Variants in FAM168A observed in about 807,000 individuals in gnomAD.
FAM168A encodes family with sequence similarity 168 member A.
A neutral mutation model predicts 28.5 loss-of-function variants in FAM168A; 3 were observed. That is an observed-to-expected ratio of 0.11 (90% confidence interval 0.05 to 0.27). The LOEUF (loss-of-function observed/expected upper bound fraction) is 0.27. FAM168A is among the 10% of genes least tolerant of loss of function. The probability of loss-of-function intolerance (pLI) is 1.00; values close to 1 mark genes in which losing one functional copy is unlikely to be tolerated. For missense variants in FAM168A, 222 were observed against 311.5 expected (o/e 0.71, Z 2.16); for synonymous variants, 122 against 124.2 (o/e 0.98, Z 0.12).
chr11:73,470,972 C>T (rs1399442875), intron 1 of FAM168A, among the ~76,000 whole-genome samples: 1 of 152,102 alleles, frequency 6.6e-6, no homozygotes, highest in Non-Finnish European at 1.5e-5. Context: ...AGGAGGAGAT[C>T]ATGCCTGGGG....
chr11:73,522,750 C>A (rs551382325), intron 1 of FAM168A, among the ~76,000 whole-genome samples: 1 of 151,882 alleles, frequency 6.6e-6, no homozygotes, highest in South Asian at 2.1e-4. Context: ...TGGTGGCTCA[C>A]GCCTGTAATC....
At chr11:73,480,185 T>TAC (rs1867948496) in intron 1 of FAM168A, among the ~76,000 whole-genome samples, 1 of 152,192 alleles carries the variant, frequency 6.6e-6, no homozygotes, top group Non-Finnish European at 1.5e-5. Flanking sequence ...CTTCCACAGT[T>TAC]ACCAGAAAGA....
intron 1 of FAM168A, among the ~76,000 whole-genome samples, chr11:73,559,062 G>A (rs889567433): frequency 3.9e-5 from 6 of 152,136 alleles, no homozygotes; most frequent in Non-Finnish European, 5.9e-5. Flanking sequence ...TGGACAAACT[G>A]TAGCATATCT....
intron 1 of FAM168A, among the ~76,000 whole-genome samples, chr11:73,541,071 G>A (rs1943650779): frequency 6.6e-6 from 1 of 151,978 alleles, no homozygotes; most frequent in African/African-American, 2.4e-5. Flanking sequence ...TGGGTGTAGT[G>A]GTGCGTGCCT....
chr11:73,491,265 A>G (rs1388779114), intron 1 of FAM168A, among the ~76,000 whole-genome samples: 1 of 152,184 alleles, frequency 6.6e-6, no homozygotes, highest in Non-Finnish European at 1.5e-5. Flanking sequence ...CATGATGGGA[A>G]GTTACTTATG....
chr11:73,457,387 C>T (rs11235764), intron 2 of FAM168A, among the ~76,000 whole-genome samples: 1 of 149,162 alleles, frequency 6.7e-6, no homozygotes. Context: ...GAAACTCCAT[C>T]TCGTTTAAAA....
chr11:73,537,604 G>A (rs1442623334), intron 1 of FAM168A, among the ~76,000 whole-genome samples: 1 of 152,122 alleles, frequency 6.6e-6, no homozygotes, highest in African/African-American at 2.4e-5. Flanking sequence ...TTATTGTGAA[G>A]CAAATTATTC....
chr11:73,463,765 G>C (rs1194348005), intron 2 of FAM168A, among the ~76,000 whole-genome samples: 1 of 152,170 alleles, frequency 6.6e-6, no homozygotes, highest in Non-Finnish European at 1.5e-5. Context: ...GGCAATGAAA[G>C]CTTGCTTCAA....
At chr11:73,553,245 C>T (rs567611811) in intron 1 of FAM168A, among the ~76,000 whole-genome samples, 17 of 152,118 alleles carry the variant, frequency 1.1e-4, no homozygotes, top group African/African-American at 4.1e-4. Context: ...ACCTTAATCC[C>T]TCCCACATTT....
chr11:73,442,404 GCA>G (rs1867213398), intron 2 of FAM168A, among the ~76,000 whole-genome samples: 1 of 152,122 alleles, frequency 6.6e-6, no homozygotes, highest in Non-Finnish European at 1.5e-5. Flanking sequence ...GGGATTACAG[GCA>G]TGAGCCACCG....
rs1206796348 is a variant in FAM168A at position 73,539,740 on chromosome 11, T to C, written c.-19+58183A>G. 3.3e-5 allele frequency among the ~76,000 whole-genome samples: 5 copies of C among 152,242 alleles called. No homozygotes were observed. In the South Asian group the frequency reaches 1.0e-3, roughly 31 times the overall value. ...ATTAAGTGTAAAGCTGATACTGTAC[T>C]TTGTTAGAAAGCTAGTGCACAAATG... On this transcript the variant is annotated intron_variant, in intron 1 of 7. Transcript: ENST00000356467.
intron 1 of FAM168A, among the ~76,000 whole-genome samples, chr11:73,592,809 C>T (rs1175220956): frequency 1.3e-5 from 2 of 151,502 alleles, no homozygotes; most frequent in African/African-American, 2.4e-5. Flanking sequence ...TTTGTAAGCA[C>T]TTTGGGAGGC....
At chr11:73,455,244 A>G (rs1198977982) in intron 2 of FAM168A, among the ~76,000 whole-genome samples, 1 of 152,206 alleles carries the variant, frequency 6.6e-6, no homozygotes, top group Non-Finnish European at 1.5e-5. Flanking sequence ...CAAAGGGTTG[A>G]GCATGGCGAG....
At chr11:73,592,183 C>T (rs1944391050) in intron 1 of FAM168A, among the ~76,000 whole-genome samples, 2 of 152,162 alleles carry the variant, frequency 1.3e-5, no homozygotes, top group Admixed American at 6.5e-5. Context: ...TAAGAAAAAG[C>T]ACAACCTATA....
At chr11:73,581,710 C>T (rs1944247129) in intron 1 of FAM168A, among the ~76,000 whole-genome samples, 1 of 151,892 alleles carries the variant, frequency 6.6e-6, no homozygotes, top group Non-Finnish European at 1.5e-5. Flanking sequence ...TAACATTGAA[C>T]TGTAACTTGG....
chr11:73,454,617 T>C (rs1013988742), intron 2 of FAM168A, among the ~76,000 whole-genome samples: 2 of 152,118 alleles, frequency 1.3e-5, no homozygotes, highest in Admixed American at 1.3e-4. Flanking sequence ...TATATCTCTG[T>C]TTTCCTGCTC....
chr11:73,562,126 A>G (rs756176389), intron 1 of FAM168A, among the ~76,000 whole-genome samples: 1 of 152,196 alleles, frequency 6.6e-6, no homozygotes, highest in Non-Finnish European at 1.5e-5. Flanking sequence ...TATTTATAGT[A>G]GAGATAGGGT....
At chr11:73,480,410 G>C (rs1297151299) in intron 1 of FAM168A, among the ~76,000 whole-genome samples, 1 of 148,808 alleles carries the variant, frequency 6.7e-6, no homozygotes, top group Non-Finnish European at 1.5e-5. Context: ...TTTTTTTTAA[G>C]AACAAATTTC....
intron 1 of FAM168A, among the ~76,000 whole-genome samples, chr11:73,489,512 T>TTC (rs1397148166): frequency 6.8e-6 from 1 of 146,948 alleles, no homozygotes; most frequent in African/African-American, 2.5e-5. Flanking sequence ...ATCCCCCACT[T>TTC]TTTTTTTTTT....
Sources: gnomAD v4.1 joint callset for allele counts (sites outside exome capture counted in the v4.1 genomes callset) on GRCh38, gnomAD v4.1.1 for gene constraint, MANE v1.5 for transcripts, NCBI Gene and HGNC (gene_info 2026-07-23, HGNC 2026-07-21) for gene names.